Variants in PRKG1 observed in about 807,000 individuals in gnomAD.
PRKG1 encodes cGMP-dependent protein kinase 1.
A neutral mutation model predicts 88.1 loss-of-function variants in PRKG1; 35 were observed. That is an observed-to-expected ratio of 0.40 (90% CI 0.30 to 0.53). The LOEUF (loss-of-function observed/expected upper bound fraction) is 0.53. Ranked by LOEUF, PRKG1 falls within the 20% of genes least tolerant of loss-of-function variation. The pLI, the probability that PRKG1 is intolerant of heterozygous loss-of-function variation, is 0.59. For synonymous variants in PRKG1, 303 were observed against 292.5 expected, an observed-to-expected ratio of 1.04 and a Z score of -0.37; for missense variants, 540 against 839.8, an observed-to-expected ratio of 0.64 and a Z score of 4.41.
chr10:51,398,085 T>G (rs981550549), intron 2 of PRKG1, among the ~76,000 whole-genome samples: 10 of 152,164 alleles, frequency 6.6e-5, no homozygotes, highest in African/African-American at 2.4e-4. Context: ...TTGTGCATCT[T>G]TAAGGTAAAA....
At chr10:51,609,516 C>G (rs893764824) in intron 3 of PRKG1, among the ~76,000 whole-genome samples, 1 of 152,198 alleles carries the variant, frequency 6.6e-6, no homozygotes, top group African/African-American at 2.4e-5. Flanking sequence ...ATAAATCATT[C>G]TATTACAAAG....
Position 51,821,325 on chromosome 10 carries a change from T to C in PRKG1, c.698+16635T>C, listed in dbSNP as rs374313547. Among the ~76,000 whole-genome samples the C allele has an allele frequency of 4.6e-4, 70 of 152,230 alleles. No homozygotes were observed. The South Asian group carries it at 0.013, about 29-fold the overall frequency. On this transcript the variant is annotated intron_variant, in intron 4 of 17. Coordinates refer to ENST00000373980, the MANE Select transcript of PRKG1 (RefSeq NM_006258.4). ...GCTGGAAACATTCTTGAGCATGTTT[T>C]TCGTGAGCGTCTGCCTTCATTTCTC...
chr10:51,448,227 A>C (rs1444380525), intron 2 of PRKG1, among the ~76,000 whole-genome samples: 1 of 152,044 alleles, frequency 6.6e-6, no homozygotes, highest in Admixed American at 6.6e-5. Flanking sequence ...CATTCTGGGC[A>C]ATAGAGCAAG....
intron 4 of PRKG1, among the ~76,000 whole-genome samples, chr10:51,816,537 ATGTGTGTGTGTGTG>A (rs35430934): frequency 6.9e-6 from 1 of 145,936 alleles, no homozygotes; most frequent in Non-Finnish European, 1.5e-5. Context: ...TAATTTTGGC[ATGTGTGTGTGTGTG>A]TGTGTGTGTG....
chr10:51,468,121 A>G lies in PRKG1; in HGVS notation c.592+285A>G, dbSNP rs540745076. On this transcript the variant is annotated intron_variant, in intron 3 of 17. Coordinates refer to ENST00000373980, the MANE Select transcript of PRKG1 (RefSeq NM_006258.4). Reference sequence around the variant, plus strand: ...TCATATAATTTTATACATTTGAATCAAATAAGAGCAAGTCCTTTTCTCTCT... The same window carrying G: ...TCATATAATTTTATACATTTGAATCGAATAAGAGCAAGTCCTTTTCTCTCT... Among the ~76,000 whole-genome samples the G allele has an allele frequency of 3.3e-4, 50 of 152,058 alleles. 1 individual carries two copies. The South Asian group carries it at 6.6e-3, about 20-fold the overall frequency.
Position 51,914,551 on chromosome 10 carries a change from C to A in PRKG1, c.762+6981C>A, listed in dbSNP as rs1014535211. On this transcript the variant is annotated intron_variant, in intron 5 of 17. Coordinates refer to ENST00000373980, the MANE Select transcript of PRKG1 (RefSeq NM_006258.4). Reference sequence around the variant, plus strand: ...GGGCATGGATGCTATGTTTAGATCTCCTGATTTTTAGGTAGAAAACAAAGC... The same window carrying A: ...GGGCATGGATGCTATGTTTAGATCTACTGATTTTTAGGTAGAAAACAAAGC... Among the ~76,000 whole-genome samples the A allele has an allele frequency of 9.9e-5, 15 of 152,204 alleles. No individual in the cohort carries two copies. In the East Asian group the frequency reaches 2.3e-3, roughly 24 times the overall value.
chr10:52,063,501 T>C (rs754077130), intron 7 of PRKG1, among the ~76,000 whole-genome samples: 8 of 152,208 alleles, frequency 5.3e-5, no homozygotes, highest in Non-Finnish European at 1.2e-4. Flanking sequence ...TCACTTACAA[T>C]GTGGCAAGCA....
At chr10:51,107,324 G>T (rs931890654) in intron 1 of PRKG1, among the ~76,000 whole-genome samples, 11 of 152,078 alleles carry the variant, frequency 7.2e-5, no homozygotes, top group Admixed American at 7.2e-4. Context: ...CAAACACTGC[G>T]AGGATTTTAT....
At chr10:51,474,395 G>A (rs1444400) in intron 3 of PRKG1, among the ~76,000 whole-genome samples, 105,629 of 151,866 alleles carry the variant, frequency 0.7, 38,127 homozygotes, top group African/African-American at 0.84. Flanking sequence ...TTATGGTTTC[G>A]AAAATTTTTA....
intron 9 of PRKG1, among the ~76,000 whole-genome samples, chr10:52,190,224 A>G (rs1184409840): frequency 3.3e-5 from 5 of 152,210 alleles, no homozygotes; most frequent in African/African-American, 9.6e-5. Context: ...AAAATTGACA[A>G]TTGAGCTCTA....
chr10:51,485,887 C>A (rs566906729), intron 3 of PRKG1, among the ~76,000 whole-genome samples: 1 of 152,170 alleles, frequency 6.6e-6, no homozygotes, highest in South Asian at 2.1e-4. Flanking sequence ...TGTTAGCAGC[C>A]ATTCACACCT....
chr10:51,592,183 C>T (rs1483900103), intron 3 of PRKG1, among the ~76,000 whole-genome samples: 2 of 152,050 alleles, frequency 1.3e-5, no homozygotes, highest in Admixed American at 1.3e-4. Flanking sequence ...AAATAAGGTT[C>T]GAGGAAATCA....
chr10:51,008,990 A>G (rs1842965568), intron 1 of PRKG1, among the ~76,000 whole-genome samples: 1 of 152,152 alleles, frequency 6.6e-6, no homozygotes, highest in Non-Finnish European at 1.5e-5. Flanking sequence ...GGCTCCATGA[A>G]ATGTCACACA....
intron 3 of PRKG1, among the ~76,000 whole-genome samples, chr10:51,527,779 C>T (rs1841919450): frequency 6.6e-6 from 1 of 152,166 alleles, no homozygotes. Context: ...GTTTCCTTTT[C>T]TCTAAGAAGA....
intron 2 of PRKG1, among the ~76,000 whole-genome samples, chr10:51,321,376 A>G (rs1349395475): frequency 6.6e-6 from 1 of 152,184 alleles, no homozygotes; most frequent in Non-Finnish European, 1.5e-5. Context: ...GCAAACAATA[A>G]CTATTAACCA....
At chr10:51,895,938 C>T (rs1841833816) in intron 4 of PRKG1, among the ~76,000 whole-genome samples, 1 of 152,046 alleles carries the variant, frequency 6.6e-6, no homozygotes, top group Non-Finnish European at 1.5e-5. Flanking sequence ...CCTCTGTGCA[C>T]ACAAAAGCAG....
At chr10:51,733,310 A>G (rs975774576) in intron 3 of PRKG1, among the ~76,000 whole-genome samples, 6 of 152,172 alleles carry the variant, frequency 3.9e-5, no homozygotes, top group African/African-American at 1.4e-4. Flanking sequence ...AAATTCTGGA[A>G]TGCAGAAGAA....
chr10:51,302,517 G>A (rs1840917400), intron 2 of PRKG1: 1 of 150,446 alleles, frequency 6.6e-6, no homozygotes, highest in South Asian at 2.1e-4. Context: ...GTTCTTTCAG[G>A]CCAATATTTT....
intron 2 of PRKG1, among the ~76,000 whole-genome samples, chr10:51,369,396 C>CTGGG (rs1842654882): frequency 6.6e-6 from 1 of 152,004 alleles, no homozygotes; most frequent in African/African-American, 2.4e-5. Context: ...AGGGAGGTCT[C>CTGGG]TGGGGCCTCT....
Sources: gnomAD v4.1 joint callset for allele counts (sites outside exome capture counted in the v4.1 genomes callset) on GRCh38, gnomAD v4.1.1 for gene constraint, MANE v1.5 for transcripts, NCBI Gene and HGNC (gene_info 2026-07-23, HGNC 2026-07-21) for gene names.